Variants in SPAG16 observed in about 807,000 individuals in gnomAD.
The protein encoded by SPAG16 is sperm-associated antigen 16 protein.
SPAG16 carries 86 observed loss-of-function variants against 80.4 expected under a neutral mutation model. That is an observed-to-expected ratio of 1.07 (90% CI 0.90 to 1.28). The LOEUF (loss-of-function observed/expected upper bound fraction) is 1.28, where lower values mean the gene tolerates loss of function less well. Ranked by LOEUF, SPAG16 falls within the 50% of genes most tolerant of loss-of-function variation. The pLI is 0.00. For synonymous variants in SPAG16, 294 were observed against 265.9 expected (o/e 1.11, Z -1.03); for missense variants, 870 against 765.3 (o/e 1.14, Z -1.61).
intron 12 of SPAG16, among the ~76,000 whole-genome samples, chr2:213,998,216 G>A (rs1338859521): frequency 6.6e-6 from 1 of 152,016 alleles, no homozygotes; most frequent in Non-Finnish European, 1.5e-5. Context: ...TTAAATACTG[G>A]GAAGTGATAT....
chr2:214,018,216 C>T (rs912244863), intron 13 of SPAG16, among the ~76,000 whole-genome samples: 2 of 151,978 alleles, frequency 1.3e-5, no homozygotes, highest in Non-Finnish European at 2.9e-5. Context: ...TTGCATTAGG[C>T]AACTGTGGCG....
intron 10 of SPAG16, among the ~76,000 whole-genome samples, chr2:213,766,797 G>A (rs1371346330): frequency 6.6e-6 from 1 of 152,162 alleles, no homozygotes; most frequent in Non-Finnish European, 1.5e-5. Context: ...GAGACACATG[G>A]GCTAGGTATG....
At chr2:213,855,421 A>T (rs1411036731) in intron 10 of SPAG16, among the ~76,000 whole-genome samples, 1 of 152,218 alleles carries the variant, frequency 6.6e-6, no homozygotes, top group Non-Finnish European at 1.5e-5. Context: ...TATGTATCCC[A>T]GTTCCTCCAC....
At chr2:213,708,645 C>T (rs936259800) in intron 10 of SPAG16, among the ~76,000 whole-genome samples, 1 of 152,084 alleles carries the variant, frequency 6.6e-6, no homozygotes, top group Admixed American at 6.6e-5. Context: ...TTTGAAATCT[C>T]TACTAAAAAT....
rs192706429 is a variant in SPAG16, at chr2:213,391,263, G to A, written c.942+16144G>A. Reference sequence around the variant, plus strand: ...AACCTGGGCGATGGAGCGAGACTCCGTTTCAAAAAAATAAATAAATAAATG... The same window carrying A: ...AACCTGGGCGATGGAGCGAGACTCCATTTCAAAAAAATAAATAAATAAATG... On this transcript the variant is annotated intron_variant, in intron 9 of 15. Coordinates refer to ENST00000331683, the MANE Select transcript of SPAG16 (RefSeq NM_024532.5). Among the ~76,000 whole-genome samples the A allele has an allele frequency of 1.4e-4, 22 of 152,018 alleles. 1 individual carries two copies. The highest frequency in any genetic ancestry group is 4.6e-4 in the Admixed American group (7 of 15,260).
At chr2:214,372,009 A>C (rs1699853686) in intron 15 of SPAG16, among the ~76,000 whole-genome samples, 1 of 152,112 alleles carries the variant, frequency 6.6e-6, no homozygotes, top group African/African-American at 2.4e-5. Context: ...AATTATATAT[A>C]TCTTATATGT....
chr2:214,086,937 A>G (rs1209564584), intron 13 of SPAG16, among the ~76,000 whole-genome samples: 1 of 152,102 alleles, frequency 6.6e-6, no homozygotes, highest in Admixed American at 6.6e-5. Flanking sequence ...ATTTTGTTCT[A>G]TTTTTTACTG....
chr2:213,870,867 G>A (rs1030486315), intron 11 of SPAG16, among the ~76,000 whole-genome samples: 1 of 152,068 alleles, frequency 6.6e-6, no homozygotes, highest in African/African-American at 2.4e-5. Flanking sequence ...CTCTTTAAGG[G>A]CAAGGTCTAG....
chr2:213,423,849 C>G (rs1159696701), intron 9 of SPAG16, among the ~76,000 whole-genome samples: 1 of 152,134 alleles, frequency 6.6e-6, no homozygotes, highest in East Asian at 1.9e-4. Flanking sequence ...TTTTTCTCGT[C>G]TGCAATAGAT....
chr2:213,845,678 CA>C (rs1451358768), intron 10 of SPAG16, among the ~76,000 whole-genome samples: 1 of 149,926 alleles, frequency 6.7e-6, no homozygotes, highest in African/African-American at 2.5e-5. Flanking sequence ...TTGTTAAAAA[CA>C]AAAACAAAAT....
chr2:213,636,460 T>G (rs1406287859), intron 10 of SPAG16, among the ~76,000 whole-genome samples: 1 of 152,166 alleles, frequency 6.6e-6, no homozygotes, highest in South Asian at 2.1e-4. Context: ...TCCATGTGAA[T>G]TTTAGGATTA....
chr2:214,343,422 A>G (rs1450720737), intron 15 of SPAG16, among the ~76,000 whole-genome samples: 1 of 152,152 alleles, frequency 6.6e-6, no homozygotes, highest in Non-Finnish European at 1.5e-5. Flanking sequence ...GGTAAAGCAT[A>G]TTATTTTAAA....
chr2:213,995,934 C>T (rs4672699), intron 12 of SPAG16, among the ~76,000 whole-genome samples: 31 of 152,202 alleles, frequency 2.0e-4, no homozygotes, highest in Non-Finnish European at 4.4e-4. Flanking sequence ...TACCCCTTTC[C>T]TACTCCAAGG....
At chr2:214,032,541 C>T (rs546003423) in intron 13 of SPAG16, among the ~76,000 whole-genome samples, 1 of 152,190 alleles carries the variant, frequency 6.6e-6, no homozygotes, top group East Asian at 1.9e-4. Flanking sequence ...AGGAATACAG[C>T]TTCTCGGAGG....
At chr2:213,715,222 G>A (rs2372094) in intron 10 of SPAG16, among the ~76,000 whole-genome samples, 108 of 110,560 alleles carry the variant, frequency 9.8e-4, no homozygotes, top group Non-Finnish European at 1.2e-3. Flanking sequence ...AGATCTATCT[G>A]TCTATCTATC....
chr2:214,091,043 G>A (rs992819854), intron 13 of SPAG16, among the ~76,000 whole-genome samples: 1 of 152,000 alleles, frequency 6.6e-6, no homozygotes, highest in Non-Finnish European at 1.5e-5. Context: ...TGTTTCATGT[G>A]TGATAAAAAT....
intron 8 of SPAG16, among the ~76,000 whole-genome samples, chr2:213,374,687 G>A (rs1309517560): frequency 6.6e-6 from 1 of 151,652 alleles, no homozygotes; most frequent in Non-Finnish European, 1.5e-5. Context: ...GTCATTTCTT[G>A]TCATTCTCTC....
At chr2:213,898,261 T>A (rs2077072973) in intron 11 of SPAG16, among the ~76,000 whole-genome samples, 1 of 152,202 alleles carries the variant, frequency 6.6e-6, no homozygotes, top group Admixed American at 6.6e-5. Flanking sequence ...TAATTTATCT[T>A]ATTTCCAGAA....
intron 13 of SPAG16, among the ~76,000 whole-genome samples, chr2:214,097,288 A>G (rs1375972417): frequency 1.3e-5 from 2 of 152,078 alleles, no homozygotes; most frequent in African/African-American, 4.8e-5. Context: ...TTGAAATTAA[A>G]TAGGGGGCAT....
Sources: gnomAD v4.1 joint callset for allele counts (sites outside exome capture counted in the v4.1 genomes callset) on GRCh38, gnomAD v4.1.1 for gene constraint, MANE v1.5 for transcripts, NCBI Gene and HGNC (gene_info 2026-07-23, HGNC 2026-07-21) for gene names.